SLC4A10: variants seen among roughly 807,000 people sequenced by gnomAD.
SLC4A10 encodes solute carrier family 4 member 10.
A neutral mutation model predicts 137.7 loss-of-function variants in SLC4A10; 42 were observed. The ratio of observed to expected loss-of-function variants is 0.30; its 90% CI spans 0.24 to 0.39. The LOEUF (loss-of-function observed/expected upper bound fraction) is 0.39. Among genes scored for constraint, SLC4A10 ranks in the 10% least tolerant of loss-of-function variants. SLC4A10 has a pLI of 1.00. For synonymous variants in SLC4A10, 474 were observed against 464.1 expected (o/e 1.02, Z -0.27); for missense variants, 925 against 1,355.0 (o/e 0.68, Z 4.98).
intron 4 of SLC4A10, among the ~76,000 whole-genome samples, chr2:161,841,607 C>A (rs2059188589): frequency 6.6e-6 from 1 of 152,264 alleles, no homozygotes; most frequent in Non-Finnish European, 1.5e-5. Flanking sequence ...TTGTGAATAA[C>A]AATGGCCCAG....
intron 1 of SLC4A10, among the ~76,000 whole-genome samples, chr2:161,705,153 A>G (rs565064250): frequency 9.8e-4 from 148 of 151,676 alleles, no homozygotes; most frequent in Non-Finnish European, 1.7e-3. Context: ...ACCTAAAAAT[A>G]TTAAAATGAA....
intron 1 of SLC4A10, among the ~76,000 whole-genome samples, chr2:161,688,839 G>A (rs1173458296): frequency 6.6e-6 from 1 of 152,032 alleles, no homozygotes; most frequent in African/African-American, 2.4e-5. Flanking sequence ...TTCGGTCATT[G>A]AAGGACTGCA....
At position 161,862,854 on chromosome 2, in the gene SLC4A10, T is replaced by C; in HGVS notation, c.578-20T>C. 6.5e-7 allele frequency: 1 copy of C among 1,547,090 alleles called. No individual in the cohort carries two copies. Among genetic ancestry groups the C allele is most frequent in the Non-Finnish European group, 8.8e-7 (1 of 1,142,774 alleles). ...CTAGAGGAAAGCTGTGCTTATCTTC[T>C]TCCGGCCTTTTCTCTTCAGATATGG... On this transcript the variant is annotated intron_variant, in intron 5 of 26. Coordinates refer to ENST00000446997, the MANE Select transcript of SLC4A10 (RefSeq NM_001178015.2).
chr2:161,894,290 T>C (rs1357047059), intron 10 of SLC4A10, among the ~76,000 whole-genome samples: 1 of 152,124 alleles, frequency 6.6e-6, no homozygotes. Context: ...TGCCAGGGTA[T>C]AAATACTGCT....
intron 2 of SLC4A10, among the ~76,000 whole-genome samples, chr2:161,787,977 T>G (rs527964778): frequency 1.1e-4 from 17 of 152,166 alleles, no homozygotes; most frequent in Non-Finnish European, 1.6e-4. Flanking sequence ...ACACTCTGTC[T>G]TTTTGTACCA....
intron 15 of SLC4A10, among the ~76,000 whole-genome samples, chr2:161,909,949 C>T (rs1383833533): frequency 6.6e-6 from 1 of 152,092 alleles, no homozygotes; most frequent in Non-Finnish European, 1.5e-5. Context: ...AAGTTTTCTA[C>T]TTTAGATGTT....
chr2:161,802,687 G>A (rs535620380), intron 2 of SLC4A10, among the ~76,000 whole-genome samples: 2 of 152,162 alleles, frequency 1.3e-5, no homozygotes, highest in South Asian at 4.1e-4. Context: ...CTGGAGGCTG[G>A]GACACCTAAG....
intron 2 of SLC4A10, among the ~76,000 whole-genome samples, chr2:161,781,211 C>T (rs191141658): frequency 6.0e-4 from 91 of 152,188 alleles, no homozygotes; most frequent in African/African-American, 2.1e-3. Flanking sequence ...TTTTTCTAAT[C>T]AACTGCTGTG....
intron 7 of SLC4A10, among the ~76,000 whole-genome samples, chr2:161,873,531 A>AAC (rs2061272699): frequency 9.9e-6 from 1 of 101,520 alleles, no homozygotes; most frequent in East Asian, 4.9e-4. Context: ...ACCACATCTC[A>AAC]AAAAAAAAAA....
intron 12 of SLC4A10, among the ~76,000 whole-genome samples, chr2:161,902,596 T>C (rs1446237211): frequency 1.3e-5 from 2 of 152,190 alleles, no homozygotes; most frequent in Non-Finnish European, 2.9e-5. Flanking sequence ...TTTTATTCAA[T>C]TGAAGTTTCA....
intron 5 of SLC4A10, among the ~76,000 whole-genome samples, chr2:161,859,891 C>T (rs1320355303): frequency 3.3e-5 from 5 of 152,136 alleles, no homozygotes; most frequent in Admixed American, 3.3e-4. Context: ...TGAGCCACCG[C>T]GCCTTTTCTC....
chr2:161,793,476 A>C (rs2054429904), intron 2 of SLC4A10, among the ~76,000 whole-genome samples: 1 of 136,544 alleles, frequency 7.3e-6, no homozygotes, highest in African/African-American at 2.8e-5. Flanking sequence ...CCATCATTCT[A>C]CTCTCTAGTT....
intron 5 of SLC4A10, among the ~76,000 whole-genome samples, chr2:161,856,189 A>C (rs1173968260): frequency 6.6e-6 from 1 of 152,046 alleles, no homozygotes; most frequent in Non-Finnish European, 1.5e-5. Context: ...GAAGAAAAAG[A>C]AATGTCTTGA....
In SLC4A10 at chr2:161,660,523, A is replaced by G. The variant is rs1319216676; in HGVS notation, c.48+35957A>G. Among the ~76,000 whole-genome samples, 4 of 152,152 alleles carry G rather than the reference A, an allele frequency of 2.6e-5. No individual in the cohort carries two copies. The East Asian group carries it at 7.7e-4, about 29-fold the overall frequency. The stretch of plus-strand genomic sequence containing the variant: ...TCCTTTTGGATGAAAAGTAAGAAAC[A>G]AAAGTACATTAATAGTTTGTGTACT... On this transcript the variant is annotated intron_variant, in intron 1 of 26. Coordinates refer to ENST00000446997, the MANE Select transcript of SLC4A10 (RefSeq NM_001178015.2).
At chr2:161,798,180 T>C (rs1488686501) in intron 2 of SLC4A10, among the ~76,000 whole-genome samples, 14 of 152,012 alleles carry the variant, frequency 9.2e-5, no homozygotes, top group African/African-American at 3.4e-4. Context: ...TGATGACTTG[T>C]GTTTTCTGAC....
chr2:161,828,034 A>G (rs1266985448), intron 3 of SLC4A10, among the ~76,000 whole-genome samples: 2 of 151,824 alleles, frequency 1.3e-5, no homozygotes, highest in South Asian at 2.1e-4. Flanking sequence ...TCCTGGGTTT[A>G]CTCTGACTTT....
intron 6 of SLC4A10, among the ~76,000 whole-genome samples, chr2:161,864,876 TG>T (rs2060645517): frequency 6.6e-6 from 1 of 152,134 alleles, no homozygotes; most frequent in Admixed American, 6.5e-5. Flanking sequence ...AGTATTTATT[TG>T]GTATGGTAGT....
At chr2:161,817,663 G>A (rs2057221618) in intron 3 of SLC4A10, among the ~76,000 whole-genome samples, 1 of 152,162 alleles carries the variant, frequency 6.6e-6, no homozygotes, top group African/African-American at 2.4e-5. Context: ...TGTATATGGT[G>A]TAAGGAAGGG....
chr2:161,916,601 G>T (rs1456429013), intron 15 of SLC4A10, among the ~76,000 whole-genome samples: 1 of 152,182 alleles, frequency 6.6e-6, no homozygotes, highest in African/African-American at 2.4e-5. Flanking sequence ...TTAAGGTATG[G>T]CTTCATCTGT....
Sources: gnomAD v4.1 joint callset for allele counts (sites outside exome capture counted in the v4.1 genomes callset) on GRCh38, gnomAD v4.1.1 for gene constraint, MANE v1.5 for transcripts, NCBI Gene and HGNC (gene_info 2026-07-23, HGNC 2026-07-21) for gene names.